The following MUC17 variants were observed in gnomAD, a reference collection of about 807,000 sequenced individuals.
The protein encoded by MUC17 is mucin-17.
MUC17 carries 190 observed loss-of-function variants against 170.3 expected under a neutral mutation model. The observed-to-expected ratio is 1.12, with a 90% CI of 0.99 to 1.26. The LOEUF is 1.26. MUC17 is among the 50% of genes most tolerant of loss of function. MUC17 has a pLI of 0.00. For synonymous variants in MUC17, 2,325 were observed against 2,002.5 expected (o/e 1.16, Z -4.30); for missense variants, 6,415 against 5,530.0 (o/e 1.16, Z -5.08).
In MUC17 at chr7:101,053,382, G is replaced by T. The variant is rs139724548; in HGVS notation, c.13309G>T (p.Asp4437Tyr). 1.7e-4 allele frequency: 267 copies of T among 1,614,118 alleles called. No individual in the cohort carries two copies. The highest frequency in any genetic ancestry group is 2.0e-4 in the Admixed American group (12 of 60,012). The change falls in exon 11 of 13, where the codon GAC becomes TAC. Residue 4437 changes from aspartate (D) to tyrosine (Y), a missense_variant. Asp to Tyr is a radical substitution (Grantham distance 160). Transcript: ENST00000306151. ...LSQLYKWQEE[D>Y]SGPAPGTFQN... ...TCAGTTATACAAGTGGCAAGAAGAG[G>T]ACAGTGGACCAGCTCCTGGGACCTT... is the stretch of plus-strand genomic sequence containing the variant.
Position 101,032,940 on chromosome 7 carries a change from A to G in MUC17, c.1524A>G (p.Glu508=), listed in dbSNP as rs1419810446. The change falls in exon 3 of 13, where the codon GAA becomes GAG. Residue 508 remains glutamate (E), a synonymous_variant. Coordinates refer to ENST00000306151, the MANE Select transcript of MUC17 (RefSeq NM_001040105.2). ...GCATGCCAACCTCAACTCCTAGTGA[A>G]GGAAGCACTCCATTAACAAGTATGT... is the stretch of plus-strand genomic sequence containing the variant. ...VNSMPTSTPS[E]GSTPLTSMSV... is the part of the protein sequence containing the mutation. 6.2e-7 allele frequency: 1 copy of G among 1,614,126 alleles called. No individual in the cohort carries two copies. Among genetic ancestry groups the G allele is most frequent in the Admixed American group, 1.7e-5 (1 of 60,018 alleles).
At position 101,032,371 on chromosome 7, in the gene MUC17, G is replaced by C. The variant is rs1490125457; in HGVS notation, c.955G>C (p.Ala319Pro). The C allele has an allele frequency of 6.2e-7, 1 of 1,610,572 alleles. No homozygotes were observed. Among genetic ancestry groups the C allele is most frequent in the Admixed American group, 1.7e-5 (1 of 59,664 alleles). Reference protein sequence around the residue: ...STEASSSPTTAEGTSIPTSTY... With the variant: ...STEASSSPTTPEGTSIPTSTY... ...TGAAGCCAGTTCATCTCCTACAACGGCTGAAGGCACCAGCATACCAACCTC... is the reference window on the plus strand; with the variant it reads ...TGAAGCCAGTTCATCTCCTACAACGCCTGAAGGCACCAGCATACCAACCTC... Residue 319 changes from alanine to proline, a missense_variant, in exon 3 of 13, where the codon GCT becomes CCT. By Grantham distance (27) the Ala-to-Pro change is conservative (BLOSUM62 -1). Coordinates refer to ENST00000306151, the MANE Select transcript of MUC17 (RefSeq NM_001040105.2).
chr7:101,021,984 C>T (rs1031593478), intron 1 of MUC17, among the ~76,000 whole-genome samples: 2 of 152,130 alleles, frequency 1.3e-5, no homozygotes, highest in Admixed American at 6.5e-5. Flanking sequence ...TTGCCCAGCC[C>T]GGCCCTGCCA....
rs755357712 is a variant in MUC17 at position 101,033,838 on chromosome 7, T to C, written c.2422T>C (p.Leu808=). 14 of 1,613,396 alleles carry C rather than the reference T, an allele frequency of 8.7e-6. No homozygotes were observed. The South Asian group carries it at 1.5e-4, about 18-fold the overall frequency. The change falls in exon 3 of 13, where the codon TTA becomes CTA. Residue 808 remains leucine, a synonymous_variant. Coordinates refer to ENST00000306151, the MANE Select transcript of MUC17 (RefSeq NM_001040105.2). ...AACTCCTAGTGAAGGAAGTCCTTTA[T>C]TAACAAGTATACCTGTCAGCATCAC... ...ISTPSEGSPL[L]TSIPVSITPV...
intron 1 of MUC17, among the ~76,000 whole-genome samples, chr7:101,023,587 T>C (rs1794131084): frequency 6.6e-6 from 1 of 152,058 alleles, no homozygotes; most frequent in Non-Finnish European, 1.5e-5. Flanking sequence ...GTATTTTCAG[T>C]AGAGACGGGG....
chr7:101,030,735 AT>A (rs1412614584), intron 1 of MUC17, among the ~76,000 whole-genome samples: 1 of 151,346 alleles, frequency 6.6e-6, no homozygotes, highest in African/African-American at 2.4e-5. Flanking sequence ...TCCCCAGCTA[AT>A]TTTTATAAAA....
At position 101,056,187 on chromosome 7, in the gene MUC17, C is replaced by G. The variant is rs1440248324; in HGVS notation, c.13364-7C>G. 2.6e-5 allele frequency: 42 copies of G among 1,613,790 alleles called. No homozygotes were observed. The highest frequency in any genetic ancestry group is 3.6e-5 in the Non-Finnish European group (42 of 1,179,770). ...TGTTTCCATGGTGCTTTCCATCCCT[C>G]CACAAGATGATGATTCCATCCACCT... On this transcript the variant is annotated splice_region_variant and splice_polypyrimidine_tract_variant and intron_variant, in intron 11 of 12. Transcript: ENST00000306151.
intron 1 of MUC17, among the ~76,000 whole-genome samples, chr7:101,029,850 C>T (rs1488081423): frequency 1.3e-5 from 2 of 151,992 alleles, no homozygotes; most frequent in Non-Finnish European, 2.9e-5. Flanking sequence ...ACGCCTGGCT[C>T]GGCCTCCCAA....
chr7:101,032,957 C>A lies in MUC17; in HGVS notation c.1541C>A (p.Thr514Lys), dbSNP rs750573916. Reference sequence around the variant, plus strand: ...CCTAGTGAAGGAAGCACTCCATTAACAAGTATGTCTGTCAGCACCATGCCG... The same window carrying A: ...CCTAGTGAAGGAAGCACTCCATTAAAAAGTATGTCTGTCAGCACCATGCCG... ...STPSEGSTPLTSMSVSTMPVA... is the reference protein window; with the variant it reads ...STPSEGSTPLKSMSVSTMPVA... Residue 514 changes from threonine (T) to lysine (K), a missense_variant, in exon 3 of 13, where the codon ACA becomes AAA. Coordinates refer to ENST00000306151, the MANE Select transcript of MUC17 (RefSeq NM_001040105.2). 3.1e-6 allele frequency: 5 copies of A among 1,614,062 alleles called. No homozygotes were observed. The highest frequency in any genetic ancestry group is 4.2e-6 in the Non-Finnish European group (5 of 1,180,040).
chr7:101,022,352 A>T (rs1794107093), intron 1 of MUC17, among the ~76,000 whole-genome samples: 1 of 152,150 alleles, frequency 6.6e-6, no homozygotes, highest in Non-Finnish European at 1.5e-5. Context: ...TTTTTAGTAG[A>T]GACGGGGTTT....
intron 11 of MUC17, 58 bp downstream of exon 11, chr7:101,053,494 C>T (rs993339977): frequency 1.5e-5 from 20 of 1,370,876 alleles, no homozygotes; most frequent in Admixed American, 1.3e-4. Context: ...AGGCTGGGTG[C>T]GGTGGGCTCA....
rs771049776 is a variant in MUC17 at position 101,033,507 on chromosome 7, C to T, written c.2091C>T (p.Thr697=). The T allele has an allele frequency of 6.2e-7, 1 of 1,613,902 alleles. No homozygotes were observed. Among genetic ancestry groups the T allele is most frequent in the South Asian group, 1.1e-5 (1 of 91,052 alleles). Reference sequence around the variant, plus strand: ...CATTAACAAGTATGCCTGTCAACACCACACTGGTGGCCAGTTCTGAGGCTA... The same window carrying T: ...CATTAACAAGTATGCCTGTCAACACTACACTGGTGGCCAGTTCTGAGGCTA... ...STPLTSMPVN[T]TLVASSEAST... is the part of the protein sequence containing the mutation. The change falls in exon 3 of 13, where the codon ACC becomes ACT. Residue 697 remains threonine, a synonymous_variant. Coordinates refer to ENST00000306151, the MANE Select transcript of MUC17 (RefSeq NM_001040105.2).
At position 101,036,993 on chromosome 7, in the gene MUC17, C is replaced by T; in HGVS notation, c.5577C>T (p.Thr1859=). ...PTPAEGTSIA[T]STPSEGSTAL... is the part of the protein sequence containing the mutation. ...CTGCTGAAGGTACCAGCATAGCAAC[C>T]TCAACGCCTAGTGAAGGAAGCACTG... The change falls in exon 3 of 13, where the codon ACC becomes ACT. Residue 1859 remains threonine, a synonymous_variant. Coordinates refer to ENST00000306151, the MANE Select transcript of MUC17 (RefSeq NM_001040105.2). 2.5e-6 allele frequency: 4 copies of T among 1,584,170 alleles called. No homozygotes were observed. The highest frequency in any genetic ancestry group is 1.2e-5 in the South Asian group (1 of 81,118).
At chr7:101,046,844 C>G (rs1235800209) in intron 3 of MUC17, among the ~76,000 whole-genome samples, 8 of 152,048 alleles carry the variant, frequency 5.3e-5, no homozygotes, top group African/African-American at 1.7e-4. Context: ...CTTTGGGAGG[C>G]TGAGGTGGGT....
Position 101,039,149 on chromosome 7 carries a change from G to C in MUC17, c.7733G>C (p.Ser2578Thr). 1 of 1,613,606 alleles carries C rather than the reference G, an allele frequency of 6.2e-7. No homozygotes were observed. The highest frequency in any genetic ancestry group is 8.5e-7 in the Non-Finnish European group (1 of 1,179,918). The change falls in exon 3 of 13, where the codon AGT becomes ACT. Residue 2578 changes from serine (S) to threonine (T), a missense_variant. Transcript: ENST00000306151. ...AGTGAAGGAAGCACTCCATTAAGAA[G>C]TATGCCTGTCAGCACCAAGCCGTTG... ...TYSEGSTPLRSMPVSTKPLAS... is the reference protein window; with the variant it reads ...TYSEGSTPLRTMPVSTKPLAS...
chr7:101,022,235 C>G (rs370983972), intron 1 of MUC17, among the ~76,000 whole-genome samples: 67 of 149,690 alleles, frequency 4.5e-4, no homozygotes, highest in Middle Eastern at 3.6e-3. Context: ...GGCGCCATCT[C>G]AGCTCACTGC....
chr7:101,033,295 A>C lies in MUC17; in HGVS notation c.1879A>C (p.Arg627=). ...TSMPTSTYSE[R]GTTITSMSVS... ...CATGCCAACCTCAACTTACAGTGAA[A>C]GAGGCACTACAATAACAAGTATGTC... Residue 627 remains arginine (R), a synonymous_variant, in exon 3 of 13, where the codon AGA becomes CGA. Coordinates refer to ENST00000306151, the MANE Select transcript of MUC17 (RefSeq NM_001040105.2). 1 of 1,605,946 alleles carries C rather than the reference A, an allele frequency of 6.2e-7. No individual in the cohort carries two copies. The highest frequency in any genetic ancestry group is 8.5e-7 in the Non-Finnish European group (1 of 1,177,030).
At chr7:101,023,594 G>A (rs767215123) in intron 1 of MUC17, among the ~76,000 whole-genome samples, 1 of 151,930 alleles carries the variant, frequency 6.6e-6, no homozygotes, top group African/African-American at 2.4e-5. Flanking sequence ...CAGTAGAGAC[G>A]GGGGTTTCGC....
intron 1 of MUC17, among the ~76,000 whole-genome samples, chr7:101,024,745 T>TTC (rs1229358821): frequency 1.3e-5 from 2 of 149,550 alleles, no homozygotes; most frequent in Non-Finnish European, 3.0e-5. Flanking sequence ...CTCCTTTTTT[T>TTC]TTTTTTTTTT....
Sources: gnomAD v4.1 joint callset for allele counts (sites outside exome capture counted in the v4.1 genomes callset) on GRCh38, gnomAD v4.1.1 for gene constraint, MANE v1.5 for transcripts, NCBI Gene and HGNC (gene_info 2026-07-23, HGNC 2026-07-21) for gene names.